Variants in ERC2 observed in about 807,000 individuals in gnomAD.
ERC2 encodes ERC protein 2.
Under a neutral mutation model 114.8 loss-of-function variants are expected in ERC2, and 42 were observed. The ratio of observed to expected loss-of-function variants is 0.37; its 90% CI spans 0.29 to 0.47. The LOEUF is 0.47. Ranked by LOEUF, ERC2 falls within the 20% of genes least tolerant of loss-of-function variation. ERC2 has a pLI of 0.99. For missense variants in ERC2, 939 were observed against 1,150.7 expected (o/e 0.82, Z 2.66); for synonymous variants, 454 against 425.5 (o/e 1.07, Z -0.82).
chr3:55,904,488 A>G lies in ERC2; in HGVS notation c.2404-15939T>C, dbSNP rs536628638. Among the ~76,000 whole-genome samples the G allele has an allele frequency of 3.3e-5, 5 of 152,316 alleles. No homozygotes were observed. The East Asian group carries it at 9.6e-4, about 29-fold the overall frequency. ...CCTCATCTCAGCTTTGAACAATCCT[A>G]TTTTTATTACATCAAAATTGTTTCT... is the stretch of plus-strand genomic sequence containing the variant. On this transcript the variant is annotated intron_variant, in intron 13 of 17. Coordinates refer to ENST00000288221, the MANE Select transcript of ERC2 (RefSeq NM_015576.3).
chr3:56,293,646 G>A (rs1209168508), intron 3 of ERC2, among the ~76,000 whole-genome samples: 1 of 152,156 alleles, frequency 6.6e-6, no homozygotes, highest in Non-Finnish European at 1.5e-5. Flanking sequence ...CCCTCTTGAT[G>A]AGCTAAAATA....
At chr3:56,318,519 A>G (rs11922800) in intron 2 of ERC2, among the ~76,000 whole-genome samples, 30,933 of 151,874 alleles carry the variant, frequency 0.2, 3,985 homozygotes, top group Non-Finnish European at 0.28. Context: ...TGGAGAAAAC[A>G]TTTGCAAACC....
At chr3:55,848,227 C>T (rs114925944) in intron 14 of ERC2, among the ~76,000 whole-genome samples, 74 of 152,312 alleles carry the variant, frequency 4.9e-4, no homozygotes, top group African/African-American at 1.7e-3. Context: ...CTCCTTCTGC[C>T]TTTTCTTCCA....
chr3:55,799,450 C>CCATATAT (rs1553682495), intron 14 of ERC2, among the ~76,000 whole-genome samples: 1 of 106,208 alleles, frequency 9.4e-6, no homozygotes, highest in Non-Finnish European at 1.8e-5. Context: ...TATATATATG[C>CCATATAT]ATATATATAT....
In ERC2 at chr3:56,434,966, G is replaced by A. The variant is rs1389855500; in HGVS notation, c.42C>T (p.Ser14=). 6.2e-7 allele frequency: 1 copy of A among 1,612,458 alleles called. No homozygotes were observed. The highest frequency in any genetic ancestry group is 8.5e-7 in the Non-Finnish European group (1 of 1,179,584). The stretch of plus-strand genomic sequence containing the variant: ...TTGGCAAACGAGGGGATCTGGAAGG[G>A]CTACCTTCCAGATTGGTGATTGTTC... ...SARTITNLEG[S]PSRSPRLPRS... Residue 14 remains serine (S), a synonymous_variant, in exon 2 of 18, where the codon AGC becomes AGT. Transcript: ENST00000288221.
chr3:56,299,391 G>A (rs2055706299), intron 2 of ERC2, among the ~76,000 whole-genome samples: 3 of 149,992 alleles, frequency 2.0e-5, no homozygotes, highest in Admixed American at 2.0e-4. Flanking sequence ...GCCTCCCAAA[G>A]TGCTGGGATT....
intron 12 of ERC2, among the ~76,000 whole-genome samples, chr3:55,957,257 TGACCAAGGG>T (rs1381304124): frequency 6.6e-6 from 1 of 152,132 alleles, no homozygotes; most frequent in Non-Finnish European, 1.5e-5. Flanking sequence ...GAATCATATG[TGACCAAGGG>T]GACCAAGAGG....
chr3:55,959,852 C>T (rs1251105177), intron 12 of ERC2, among the ~76,000 whole-genome samples: 1 of 152,202 alleles, frequency 6.6e-6, no homozygotes, highest in Non-Finnish European at 1.5e-5. Flanking sequence ...ATTCCTGGTC[C>T]ACATGGTCAA....
At chr3:55,826,055 G>A (rs916290664) in intron 14 of ERC2, among the ~76,000 whole-genome samples, 16 of 151,776 alleles carry the variant, frequency 1.1e-4, no homozygotes, top group African/African-American at 3.9e-4. Context: ...GGAAGGGAGG[G>A]AGGGAGGACA....
intron 15 of ERC2, among the ~76,000 whole-genome samples, chr3:55,700,178 T>TG (rs1282797422): frequency 6.6e-6 from 1 of 152,226 alleles, no homozygotes; most frequent in Admixed American, 6.5e-5. Context: ...TGAGGCAACT[T>TG]GGAGTCATGG....
At chr3:56,028,623 T>C (rs1301814077) in intron 7 of ERC2, among the ~76,000 whole-genome samples, 1 of 152,072 alleles carries the variant, frequency 6.6e-6, no homozygotes, top group Non-Finnish European at 1.5e-5. Flanking sequence ...TGTTAGTATA[T>C]AGATATGTAG....
At chr3:56,221,048 A>C (rs1315469181) in intron 3 of ERC2, among the ~76,000 whole-genome samples, 8 of 152,210 alleles carry the variant, frequency 5.3e-5, no homozygotes, top group Admixed American at 5.2e-4. Flanking sequence ...TAATACTCTA[A>C]TACTATGATA....
At chr3:55,979,469 T>C (rs975622943) in intron 12 of ERC2, among the ~76,000 whole-genome samples, 7 of 152,208 alleles carry the variant, frequency 4.6e-5, no homozygotes, top group African/African-American at 1.4e-4. Flanking sequence ...CCATTATGTC[T>C]TCAAAATTAT....
At chr3:55,871,679 C>G (rs892173754) in intron 14 of ERC2, among the ~76,000 whole-genome samples, 18 of 152,122 alleles carry the variant, frequency 1.2e-4, no homozygotes, top group African/African-American at 4.3e-4. Flanking sequence ...TATGTCAACC[C>G]TGGGACATCA....
intron 2 of ERC2, among the ~76,000 whole-genome samples, chr3:56,371,578 A>T (rs1341824196): frequency 6.6e-6 from 1 of 152,212 alleles, no homozygotes; most frequent in Non-Finnish European, 1.5e-5. Flanking sequence ...ATGCACACAC[A>T]GTTAAAAATG....
At chr3:55,832,658 G>A (rs974329382) in intron 14 of ERC2, among the ~76,000 whole-genome samples, 8 of 152,156 alleles carry the variant, frequency 5.3e-5, no homozygotes, top group African/African-American at 1.9e-4. Context: ...AAGATGGGGA[G>A]AAAACAGAGC....
chr3:56,276,756 G>A (rs2054027585), intron 3 of ERC2, among the ~76,000 whole-genome samples: 3 of 152,100 alleles, frequency 2.0e-5, no homozygotes, highest in East Asian at 1.9e-4. Context: ...TTTTGGCTTC[G>A]CTGGGCCACA....
chr3:55,522,169 C>T (rs990400268), intron 17 of ERC2, among the ~76,000 whole-genome samples: 4 of 152,134 alleles, frequency 2.6e-5, no homozygotes, highest in South Asian at 2.1e-4. Flanking sequence ...AGAGTTTCCC[C>T]GCAACAAAAG....
At chr3:56,220,861 C>G (rs966375550) in intron 3 of ERC2, among the ~76,000 whole-genome samples, 2 of 151,750 alleles carry the variant, frequency 1.3e-5, no homozygotes, top group Non-Finnish European at 2.9e-5. Flanking sequence ...CTCTTAAGGT[C>G]GAGAATCCTC....
Sources: gnomAD v4.1 joint callset for allele counts (sites outside exome capture counted in the v4.1 genomes callset) on GRCh38, gnomAD v4.1.1 for gene constraint, MANE v1.5 for transcripts, NCBI Gene and HGNC (gene_info 2026-07-23, HGNC 2026-07-21) for gene names.